The following CPA6 variants were observed in gnomAD, a reference collection of about 807,000 sequenced individuals.
CPA6 encodes the protein carboxypeptidase B.
Under a neutral mutation model 63.3 loss-of-function variants are expected in CPA6, and 58 were observed. The observed-to-expected ratio is 0.92, with a 90% CI of 0.74 to 1.14. The LOEUF (loss-of-function observed/expected upper bound fraction) is 1.14, where lower values mean the gene tolerates loss of function less well. Among genes scored for constraint, CPA6 ranks in the 50% most tolerant of loss-of-function variants. The pLI is 0.00. For synonymous variants in CPA6, 185 were observed against 179.0 expected (o/e 1.03, Z -0.27); for missense variants, 565 against 526.6 (o/e 1.07, Z -0.71).
intron 8 of CPA6, among the ~76,000 whole-genome samples, chr8:67,444,021 T>A (rs1810356225): frequency 6.7e-6 from 1 of 150,028 alleles, no homozygotes; most frequent in Non-Finnish European, 1.5e-5. Context: ...AGACGGAGTC[T>A]CGCTCTGTCG....
chr8:67,662,609 C>T (rs975600822), intron 1 of CPA6, among the ~76,000 whole-genome samples: 46 of 141,944 alleles, frequency 3.2e-4, no homozygotes, highest in Admixed American at 3.1e-3. Context: ...TACATACACA[C>T]GTATATGTAT....
At chr8:67,658,890 CCTCT>C (rs1317864026) in intron 1 of CPA6, among the ~76,000 whole-genome samples, 1 of 152,074 alleles carries the variant, frequency 6.6e-6, no homozygotes. Flanking sequence ...CTCTGCTGCT[CCTCT>C]CTCATTCTCT....
chr8:67,514,806 G>T (rs1812110026), intron 3 of CPA6, among the ~76,000 whole-genome samples: 1 of 152,182 alleles, frequency 6.6e-6, no homozygotes. Flanking sequence ...TTGCCAAGCT[G>T]TTTCCTGTCA....
chr8:67,653,249 TTAAAG>T (rs1466641092), intron 1 of CPA6, among the ~76,000 whole-genome samples: 3 of 152,124 alleles, frequency 2.0e-5, no homozygotes, highest in African/African-American at 2.4e-5. Flanking sequence ...CATATGAACT[TTAAAG>T]TAGTTTTTTT....
intron 6 of CPA6, among the ~76,000 whole-genome samples, chr8:67,491,097 G>C (rs1396339690): frequency 6.6e-6 from 1 of 152,036 alleles, no homozygotes; most frequent in Non-Finnish European, 1.5e-5. Context: ...CAACTGGACG[G>C]GACAGGAATA....
chr8:67,594,549 C>T (rs557773900), intron 2 of CPA6, among the ~76,000 whole-genome samples: 21 of 152,292 alleles, frequency 1.4e-4, no homozygotes, highest in East Asian at 3.9e-4. Flanking sequence ...GGTCTTTTCA[C>T]GTAGTCCCAT....
chr8:67,640,298 T>G (rs1815561460), intron 1 of CPA6, among the ~76,000 whole-genome samples: 1 of 150,946 alleles, frequency 6.6e-6, no homozygotes, highest in African/African-American at 2.5e-5. Context: ...TGCCAAGGGG[T>G]GCCTGCAGGC....
intron 9 of CPA6, among the ~76,000 whole-genome samples, chr8:67,430,084 C>T (rs1451222368): frequency 6.7e-6 from 1 of 149,110 alleles, no homozygotes; most frequent in Non-Finnish European, 1.5e-5. Context: ...TCAAAAAGTA[C>T]CTAGGCATCA....
intron 1 of CPA6, among the ~76,000 whole-genome samples, chr8:67,648,625 G>A (rs1815768860): frequency 6.6e-6 from 1 of 152,188 alleles, no homozygotes; most frequent in Non-Finnish European, 1.5e-5. Flanking sequence ...TGAGAAAAAT[G>A]GGAGTACTAA....
At chr8:67,606,997 T>C (rs1814653999) in intron 2 of CPA6, among the ~76,000 whole-genome samples, 1 of 152,208 alleles carries the variant, frequency 6.6e-6, no homozygotes, top group African/African-American at 2.4e-5. Flanking sequence ...TATGGGCTTC[T>C]GGTTTATTTT....
chr8:67,580,718 T>C (rs1813749455), intron 2 of CPA6, among the ~76,000 whole-genome samples: 1 of 152,172 alleles, frequency 6.6e-6, no homozygotes, highest in Admixed American at 6.5e-5. Flanking sequence ...CATGCCAGCC[T>C]GGAATATTCA....
intron 1 of CPA6, among the ~76,000 whole-genome samples, chr8:67,637,921 G>C (rs186820816): frequency 6.6e-6 from 1 of 151,288 alleles, no homozygotes; most frequent in African/African-American, 2.5e-5. Flanking sequence ...AGCATAATTT[G>C]TTGGGCTCAA....
chr8:67,626,859 G>A (rs988701408), intron 1 of CPA6, among the ~76,000 whole-genome samples: 1 of 151,116 alleles, frequency 6.6e-6, no homozygotes, highest in Non-Finnish European at 1.5e-5. Flanking sequence ...TTACAGCCAT[G>A]AGAATAACTT....
intron 2 of CPA6, among the ~76,000 whole-genome samples, chr8:67,577,988 G>C (rs1243436847): frequency 6.6e-6 from 1 of 152,152 alleles, no homozygotes; most frequent in Non-Finnish European, 1.5e-5. Flanking sequence ...ACCAAACATA[G>C]TAAATATTTC....
At chr8:67,590,487 C>G (rs1814088429) in intron 2 of CPA6, among the ~76,000 whole-genome samples, 1 of 151,568 alleles carries the variant, frequency 6.6e-6, no homozygotes, top group African/African-American at 2.4e-5. Flanking sequence ...AATGGTTGAA[C>G]TAGTTTACGG....
chr8:67,467,711 C>T (rs965701230), intron 8 of CPA6, among the ~76,000 whole-genome samples: 1 of 151,946 alleles, frequency 6.6e-6, no homozygotes, highest in African/African-American at 2.4e-5. Context: ...GCTTTAAAAC[C>T]TGTAAGGGCG....
At chr8:67,607,783 C>T (rs1814704939) in intron 2 of CPA6, among the ~76,000 whole-genome samples, 1 of 152,178 alleles carries the variant, frequency 6.6e-6, no homozygotes, top group South Asian at 2.1e-4. Context: ...GTTCCTTTGT[C>T]TACTGCCCAA....
chr8:67,620,393 A>C (rs1205387316), intron 2 of CPA6, among the ~76,000 whole-genome samples: 2 of 152,264 alleles, frequency 1.3e-5, no homozygotes, highest in East Asian at 3.9e-4. Flanking sequence ...GTGATTATTC[A>C]GGGCATGTAC....
chr8:67,671,548 T>C (rs1816344035), intron 1 of CPA6, among the ~76,000 whole-genome samples: 1 of 152,166 alleles, frequency 6.6e-6, no homozygotes, highest in Non-Finnish European at 1.5e-5. Context: ...ATTCTGGCCT[T>C]ATACTGTCTA....
Sources: gnomAD v4.1 joint callset for allele counts (sites outside exome capture counted in the v4.1 genomes callset) on GRCh38, gnomAD v4.1.1 for gene constraint, MANE v1.5 for transcripts, NCBI Gene and HGNC (gene_info 2026-07-23, HGNC 2026-07-21) for gene names.